RAET1E: variants seen among roughly 807,000 people sequenced by gnomAD.
RAET1E encodes the protein retinoic acid early transcript 1E.
A neutral mutation model predicts 21.1 loss-of-function variants in RAET1E; 27 were observed. The observed-to-expected ratio is 1.28, with a 90% confidence interval of 0.94 to 1.76. RAET1E has a LOEUF of 1.76. Among genes scored for constraint, RAET1E ranks in the 40% most tolerant of loss-of-function variants. The pLI is 0.00. For missense variants in RAET1E, 310 were observed against 311.3 expected, an observed-to-expected ratio of 1.00 and a Z score of 0.03; for synonymous variants, 113 against 115.0, an observed-to-expected ratio of 0.98 and a Z score of 0.11.
At chr6:149,893,461 C>T (rs912031805) in intron 2 of RAET1E, among the ~76,000 whole-genome samples, 2 of 151,838 alleles carry the variant, frequency 1.3e-5, no homozygotes, top group African/African-American at 4.8e-5. Flanking sequence ...CTCTTTGTAG[C>T]AATTGTGAAT....
intron 2 of RAET1E, among the ~76,000 whole-genome samples, chr6:149,892,256 C>T (rs193015867): frequency 1.2e-3 from 187 of 152,292 alleles, no homozygotes; most frequent in African/African-American, 4.3e-3. Context: ...TGGTATTTCT[C>T]GTTCTAGATC....
Position 149,883,700 on chromosome 6 carries a change from A to AC in RAET1E, c.*4797_*4798insG, listed in dbSNP as rs1554262573. 6.4e-6 allele frequency: 1 copy of AC among 156,180 alleles called. No homozygotes were observed. The allele number at this position is 156,180 out of a possible 1,614,324, so 9.7% of individuals were successfully genotyped here. On this transcript the variant is annotated 3_prime_UTR_variant, in exon 6 of 6. Coordinates refer to ENST00000357183, the MANE Select transcript of RAET1E (RefSeq NM_001394057.1). ...AGATAGAGTGAGACTCTGTCTCAAA[A>AC]AAACAAACAAACAAACAAAGAATTA...
Position 149,884,230 on chromosome 6 carries a change from G to C in RAET1E, c.*4268C>G, listed in dbSNP as rs1777511398. The stretch of plus-strand genomic sequence containing the variant: ...TGGGCTCAAGTGATCCTCCTGCCTA[G>C]GCCTCCCAAAGTGTTGGGATTATAG... On this transcript the variant is annotated 3_prime_UTR_variant, in exon 6 of 6. Coordinates refer to ENST00000357183, the MANE Select transcript of RAET1E (RefSeq NM_001394057.1). 5 of 452,274 alleles carry C rather than the reference G, an allele frequency of 1.1e-5. No homozygotes were observed. In the East Asian group the frequency reaches 1.7e-4, roughly 15 times the overall value. The allele number at this position is 452,274 out of a possible 1,614,324, so 28.0% of individuals were successfully genotyped here. A position where few individuals can be genotyped will look rare whatever the true frequency, so the allele number is the denominator to read the frequency against.
chr6:149,890,206 C>T (rs1051712867), intron 3 of RAET1E, 61 bp from the exon 4 acceptor site: 1 of 1,583,138 alleles, frequency 6.3e-7, no homozygotes, highest in African/African-American at 1.3e-5. Flanking sequence ...AGAACCTGCG[C>T]TTCTGTGACC....
At position 149,891,218 on chromosome 6, in the gene RAET1E, G is replaced by T. The variant is rs545706367; in HGVS notation, c.-133-184C>A. 2.6e-3 allele frequency among the ~76,000 whole-genome samples: 401 copies of T among 152,256 alleles called. 3 individuals carry two copies. The highest frequency in any genetic ancestry group is 4.5e-3 in the Non-Finnish European group (306 of 68,030). On this transcript the variant is annotated intron_variant, in intron 2 of 5. Transcript: ENST00000357183. ...AACCCCCTCTGGTGTGAGCAGGATG[G>T]TTGGAGGTTATGTGAGCTCCTTCTC...
At chr6:149,894,483 C>CT (rs1484476435) in intron 2 of RAET1E, among the ~76,000 whole-genome samples, 12 of 152,062 alleles carry the variant, frequency 7.9e-5, no homozygotes, top group Non-Finnish European at 1.0e-4. Context: ...CCTTTTTATT[C>CT]TTTTTTCTCT....
chr6:149,895,907 C>G lies in RAET1E; in HGVS notation c.-195G>C, dbSNP rs752026711. ...AGCAGGTCCGGTATCTGGCGAGGGC[C>G]CTCTCTTCCTCACCAGATGGCTGTC... is the stretch of plus-strand genomic sequence containing the variant. On this transcript the variant is annotated 5_prime_UTR_variant, in exon 2 of 6. Coordinates refer to ENST00000357183, the MANE Select transcript of RAET1E (RefSeq NM_001394057.1). The G allele has an allele frequency of 6.6e-6, 1 of 152,208 alleles. No individual in the cohort carries two copies. Among genetic ancestry groups the G allele is most frequent in the Non-Finnish European group, 1.5e-5 (1 of 68,044 alleles). 9.4% of individuals were successfully genotyped at this position (152,208 alleles called of 1,614,324 possible).
At position 149,888,686 on chromosome 6, in the gene RAET1E, A is replaced by AAAAC. The variant is rs1777730717; in HGVS notation, c.623-20_623-19insGTTT. On this transcript the variant is annotated intron_variant, in intron 5 of 5. Coordinates refer to ENST00000357183, the MANE Select transcript of RAET1E (RefSeq NM_001394057.1). ...GGTGACACTAAAAAAAAAAAAAAAA[A>AAAAC]GAAAAAAAAGCACAAGCCCTGTCAC... The AAAAC allele has an allele frequency of 6.5e-7, 1 of 1,546,072 alleles. No individual in the cohort carries two copies. The highest frequency in any genetic ancestry group is 8.6e-7 in the Non-Finnish European group (1 of 1,157,602).
At chr6:149,894,037 T>C (rs969830053) in intron 2 of RAET1E, among the ~76,000 whole-genome samples, 1 of 152,234 alleles carries the variant, frequency 6.6e-6, no homozygotes, top group African/African-American at 2.4e-5. Context: ...CAGCCTTGCA[T>C]CCCAGGTATG....
rs1447053064 is a variant in RAET1E at position 149,886,998 on chromosome 6, A to G, written c.*1500T>C. Among the ~76,000 whole-genome samples the G allele has an allele frequency of 6.6e-6, 1 of 152,004 alleles. No homozygotes were observed. The highest frequency in any genetic ancestry group is 1.5e-5 in the Non-Finnish European group (1 of 67,988). Reference sequence around the variant, plus strand: ...TATATTTTTTTCCCCTTGAATTGTAATACACCTTTCCCCAGGCCCACTCTG... The same window carrying G: ...TATATTTTTTTCCCCTTGAATTGTAGTACACCTTTCCCCAGGCCCACTCTG... On this transcript the variant is annotated 3_prime_UTR_variant, in exon 6 of 6. Transcript: ENST00000357183.
intron 2 of RAET1E, among the ~76,000 whole-genome samples, chr6:149,894,267 C>G (rs1162781038): frequency 6.6e-6 from 1 of 152,180 alleles, no homozygotes; most frequent in Non-Finnish European, 1.5e-5. Context: ...AACTCCTCTT[C>G]TTGAGGAGTA....
rs545880925 is a variant in RAET1E, at chr6:149,884,617, C to T, written c.*3881G>A. 2.0e-5 allele frequency: 18 copies of T among 888,616 alleles called. 1 individual carries two copies. Among genetic ancestry groups the T allele is most frequent in the South Asian group, 1.2e-4 (8 of 67,954 alleles). The allele number at this position is 888,616 out of a possible 1,614,324, so 55.0% of individuals were successfully genotyped here. On this transcript the variant is annotated 3_prime_UTR_variant, in exon 6 of 6. Transcript: ENST00000357183. ...ACCTCTCTCTCAGGGAGAGATCAGC[C>T]GCTATTGTTCACATTCTGCCTCTCT...
rs551502728 is a variant in RAET1E at position 149,895,357 on chromosome 6, T to C, written c.-134+489A>G. The C allele has an allele frequency of 8.5e-5, 13 of 152,434 alleles. No individual in the cohort carries two copies. The East Asian group carries it at 1.7e-3, about 20-fold the overall frequency. The allele number at this position is 152,434 out of a possible 1,614,324, so 9.4% of individuals were successfully genotyped here. The stretch of plus-strand genomic sequence containing the variant: ...ATTTAAGTCTGCTATAAGCCCCTGA[T>C]TGGGGCTGCTGCCTTGTTTACCAAC... On this transcript the variant is annotated intron_variant, in intron 2 of 5. Coordinates refer to ENST00000357183, the MANE Select transcript of RAET1E (RefSeq NM_001394057.1).
In RAET1E at chr6:149,884,170, C is replaced by A; in HGVS notation, c.*4328G>T. On this transcript the variant is annotated 3_prime_UTR_variant, in exon 6 of 6. Transcript: ENST00000357183. Reference sequence around the variant, plus strand: ...GGTGGTAGGATCATAGGTCCACAATCTCACGAGCAAAGGCTCACTGCAGCT... The same window carrying A: ...GGTGGTAGGATCATAGGTCCACAATATCACGAGCAAAGGCTCACTGCAGCT... 1 of 338,136 alleles carries A rather than the reference C, an allele frequency of 3.0e-6. No homozygotes were observed. The allele number at this position is 338,136 out of a possible 1,614,324, so 20.9% of individuals were successfully genotyped here.
chr6:149,888,956 C>T (rs1188867387), intron 5 of RAET1E: 2 of 772,612 alleles, frequency 2.6e-6, no homozygotes, highest in Non-Finnish European at 3.8e-6. Flanking sequence ...GAGGATGACA[C>T]AATGGGTGGT....
chr6:149,889,729 C>T, intron 4 of RAET1E, 106 bp from the exon 5 acceptor site: 6 of 1,498,170 alleles, frequency 4.0e-6, no homozygotes, highest in Non-Finnish European at 5.5e-6. Flanking sequence ...ATTCTTTCTG[C>T]CCAGACTTGC....
At chr6:149,890,244 G>T (rs1777826262) in intron 3 of RAET1E, 99 bp from the exon 4 acceptor site, 21 of 1,344,494 alleles carry the variant, frequency 1.6e-5, no homozygotes, top group South Asian at 1.3e-4. Flanking sequence ...GGCCAGGCTA[G>T]CAGAGGCGGG....
In RAET1E at chr6:149,885,914, G is replaced by A. The variant is rs1777589250; in HGVS notation, c.*2584C>T. 6.6e-6 allele frequency among the ~76,000 whole-genome samples: 1 copy of A among 152,338 alleles called. No individual in the cohort carries two copies. The highest frequency in any genetic ancestry group is 1.5e-5 in the Non-Finnish European group (1 of 68,024). Reference sequence around the variant, plus strand: ...CATACACCCAATCATAAAACAATGTGATAATTTTTCTGTGGTCAGAGTTTC... The same window carrying A: ...CATACACCCAATCATAAAACAATGTAATAATTTTTCTGTGGTCAGAGTTTC... On this transcript the variant is annotated 3_prime_UTR_variant, in exon 6 of 6. Transcript: ENST00000357183.
chr6:149,888,458 G>A lies in RAET1E; in HGVS notation c.*40C>T. On this transcript the variant is annotated 3_prime_UTR_variant, in exon 6 of 6. Coordinates refer to ENST00000357183, the MANE Select transcript of RAET1E (RefSeq NM_001394057.1). ...AGATGGATCAGGGAGCGGGGGCTTG[G>A]ATGAGACCCATGATTCACCTCTCTT... 1 of 1,601,626 alleles carries A rather than the reference G, an allele frequency of 6.2e-7. No homozygotes were observed. The highest frequency in any genetic ancestry group is 8.5e-7 in the Non-Finnish European group (1 of 1,172,888).
Sources: allele counts gnomAD v4.1 joint callset (sites outside exome capture counted in the v4.1 genomes callset), GRCh38; gene constraint gnomAD v4.1.1; transcripts MANE v1.5; gene names NCBI Gene and HGNC (gene_info 2026-07-23, HGNC 2026-07-21).